The following ASIC2 variants were observed in gnomAD, a reference collection of about 807,000 sequenced individuals.
The protein encoded by ASIC2 is acid-sensing ion channel 2.
A neutral mutation model predicts 57.3 loss-of-function variants in ASIC2; 25 were observed. That is an observed-to-expected ratio of 0.44 (90% CI 0.32 to 0.61). The LOEUF is 0.61. ASIC2 is among the 20% of genes least tolerant of loss of function. The pLI, the probability that ASIC2 is intolerant of heterozygous loss-of-function variation, is 0.06. For missense variants in ASIC2, 641 were observed against 738.1 expected, an observed-to-expected ratio of 0.87 and a Z score of 1.52; for synonymous variants, 319 against 307.5, an observed-to-expected ratio of 1.04 and a Z score of -0.39.
intron 1 of ASIC2, among the ~76,000 whole-genome samples, chr17:33,907,672 C>T (rs1915377810): frequency 6.6e-6 from 1 of 152,146 alleles, no homozygotes; most frequent in Non-Finnish European, 1.5e-5. Context: ...CCAAGTTGTA[C>T]ATCTTGAAGG....
At chr17:34,031,077 C>G (rs1907590354) in intron 1 of ASIC2, among the ~76,000 whole-genome samples, 2 of 152,222 alleles carry the variant, frequency 1.3e-5, no homozygotes, top group Admixed American at 1.3e-4. Flanking sequence ...AAGTGGGTCC[C>G]TGACCCCTGA....
intron 1 of ASIC2, among the ~76,000 whole-genome samples, chr17:33,959,088 C>T (rs1198560361): frequency 6.6e-6 from 1 of 152,194 alleles, no homozygotes; most frequent in Non-Finnish European, 1.5e-5. Context: ...CTTTATTGTC[C>T]ATAACGCTAT....
chr17:33,796,393 G>A (rs897372485), intron 1 of ASIC2, among the ~76,000 whole-genome samples: 2 of 152,088 alleles, frequency 1.3e-5, no homozygotes, highest in African/African-American at 4.8e-5. Flanking sequence ...TAAAAATAAG[G>A]CTAATTCTTA....
At position 33,702,298 on chromosome 17, in the gene ASIC2, C is replaced by T. The variant is rs888820236; in HGVS notation, c.555+453680G>A. Among the ~76,000 whole-genome samples, 3 of 151,936 alleles carry T rather than the reference C, an allele frequency of 2.0e-5. No homozygotes were observed. In the South Asian group the frequency reaches 6.2e-4, roughly 32 times the overall value. On this transcript the variant is annotated intron_variant, in intron 1 of 9. Coordinates refer to the ASIC2 transcript ENST00000359872. ...GTCGTAGTTAGTTTCTTTCTCCTTC[C>T]TGGGGTTAGAGGGGGGGTATCACTG... is the stretch of plus-strand genomic sequence containing the variant.
chr17:33,829,579 CTTTT>C (rs34205959), intron 1 of ASIC2, among the ~76,000 whole-genome samples: 1 of 138,916 alleles, frequency 7.2e-6, no homozygotes. Context: ...TTAAACTTTT[CTTTT>C]TTTTTTTTTT....
chr17:33,591,768 C>A (rs1000818419), intron 1 of ASIC2, among the ~76,000 whole-genome samples: 3 of 152,138 alleles, frequency 2.0e-5, no homozygotes, highest in Non-Finnish European at 4.4e-5. Flanking sequence ...TATTGATATT[C>A]CTGGGATCAA....
chr17:33,065,735 T>C (rs752385230), intron 3 of ASIC2, among the ~76,000 whole-genome samples: 3 of 152,116 alleles, frequency 2.0e-5, no homozygotes, highest in Non-Finnish European at 4.4e-5. Flanking sequence ...ATTAGCCTCA[T>C]GAGACATAAC....
chr17:33,765,489 C>T (rs919040471), intron 1 of ASIC2, among the ~76,000 whole-genome samples: 4 of 152,182 alleles, frequency 2.6e-5, no homozygotes, highest in Non-Finnish European at 4.4e-5. Context: ...TTCCTACCCA[C>T]CCAAAGATGT....
At chr17:33,592,094 C>G (rs1904844998) in intron 1 of ASIC2, among the ~76,000 whole-genome samples, 1 of 152,182 alleles carries the variant, frequency 6.6e-6, no homozygotes, top group Admixed American at 6.5e-5. Flanking sequence ...GCTCTGGACT[C>G]GTGCCAGGTA....
At chr17:33,971,371 C>T (rs536116209) in intron 1 of ASIC2, among the ~76,000 whole-genome samples, 1 of 152,130 alleles carries the variant, frequency 6.6e-6, no homozygotes, top group African/African-American at 2.4e-5. Flanking sequence ...ATATTTGGCA[C>T]CTGGAGAAGA....
rs116837440 is a variant in ASIC2, at chr17:33,404,214, G to A, written c.556-292147C>T. On this transcript the variant is annotated intron_variant, in intron 1 of 9. Transcript: ENST00000359872. ...GAGTGACTGCAAATTAATGAACATG[G>A]GATTTGTTTCTGGGGTGACGGAAAT... 7.2e-3 allele frequency among the ~76,000 whole-genome samples: 1,089 copies of A among 152,220 alleles called. 12 individuals carry two copies. Among genetic ancestry groups the A allele is most frequent in the African/African-American group, 0.025 (1,023 of 41,522 alleles).
chr17:33,091,895 GACTGAGGA>G (rs1353327635), intron 2 of ASIC2, among the ~76,000 whole-genome samples: 1 of 152,176 alleles, frequency 6.6e-6, no homozygotes, highest in Non-Finnish European at 1.5e-5. Flanking sequence ...TGGCTTGTGT[GACTGAGGA>G]ACTGAATTTT....
At chr17:33,301,316 C>A (rs369153371) in intron 1 of ASIC2, among the ~76,000 whole-genome samples, 2 of 152,130 alleles carry the variant, frequency 1.3e-5, no homozygotes, top group South Asian at 2.1e-4. Context: ...GCTAGGATTG[C>A]AGGTGTGAGC....
intron 1 of ASIC2, among the ~76,000 whole-genome samples, chr17:33,679,538 C>T (rs1907934567): frequency 6.6e-6 from 1 of 152,160 alleles, no homozygotes; most frequent in Non-Finnish European, 1.5e-5. Context: ...CAGGCTTGCA[C>T]TCATAGAGAG....
At chr17:33,868,150 A>C (rs1010920400) in intron 1 of ASIC2, among the ~76,000 whole-genome samples, 5 of 151,912 alleles carry the variant, frequency 3.3e-5, no homozygotes, top group Non-Finnish European at 5.9e-5. Context: ...TTATGTGCCC[A>C]AAAACTATTT....
chr17:33,444,250 G>A lies in ASIC2; in HGVS notation c.556-332183C>T, dbSNP rs75723613. 1.6e-4 allele frequency among the ~76,000 whole-genome samples: 24 copies of A among 152,296 alleles called. No individual in the cohort carries two copies. In the East Asian group the frequency reaches 4.6e-3, roughly 29 times the overall value. ...GTTCTCTCGGTCTTTTAAAACTGCT[G>A]GGTGTGTGACCTGTCAGCTAAGCTT... On this transcript the variant is annotated intron_variant, in intron 1 of 9. Transcript: ENST00000359872.
At chr17:33,872,446 C>G (rs545328360) in intron 1 of ASIC2, among the ~76,000 whole-genome samples, 1 of 152,256 alleles carries the variant, frequency 6.6e-6, no homozygotes, top group South Asian at 2.1e-4. Flanking sequence ...CTGTTATGAG[C>G]CAGGTATTCC....
At chr17:33,528,186 G>GTGTGTGTGTGTGTGTGTGTGTGT (rs1567640142) in intron 1 of ASIC2, among the ~76,000 whole-genome samples, 36 of 151,714 alleles carry the variant, frequency 2.4e-4, no homozygotes, top group Non-Finnish European at 2.7e-4. Flanking sequence ...GTGTGTGTGT[G>GTGTGTGTGTGTGTGTGTGTGTGT]GTTTCCAGCT....
rs140021189 is a variant in ASIC2 at position 33,824,857 on chromosome 17, G to A, written c.555+331121C>T. On this transcript the variant is annotated intron_variant, in intron 1 of 9. Coordinates refer to the ASIC2 transcript ENST00000359872. ...TCTCCCCAGCCATGTGGAGCTGTGA[G>A]TCCATTACACCTCTTTCCTTTATAA... Among the ~76,000 whole-genome samples the A allele has an allele frequency of 8.7e-4, 132 of 152,284 alleles. 2 individuals are homozygous for A. In the East Asian group the frequency reaches 0.023, roughly 26 times the overall value.
Sources: gnomAD v4.1 joint callset for allele counts (sites outside exome capture counted in the v4.1 genomes callset) on GRCh38, gnomAD v4.1.1 for gene constraint, MANE v1.5 for transcripts, NCBI Gene and HGNC (gene_info 2026-07-23, HGNC 2026-07-21) for gene names.